CDH13: variants seen among roughly 807,000 people sequenced by gnomAD.
CDH13 encodes cadherin 13.
Under a neutral mutation model 63.8 loss-of-function variants are expected in CDH13, and 24 were observed. The observed-to-expected ratio is 0.38, with a 90% CI of 0.27 to 0.53. The LOEUF is 0.53. Among genes scored for constraint, CDH13 ranks in the 20% least tolerant of loss-of-function variants. The probability of loss-of-function intolerance (pLI) is 0.85; values close to 1 mark genes in which losing one functional copy is unlikely to be tolerated. For synonymous variants in CDH13, 503 were observed against 355.3 expected (o/e 1.42, Z -4.67); for missense variants, 1,049 against 903.1 (o/e 1.16, Z -2.07).
intron 5 of CDH13, among the ~76,000 whole-genome samples, chr16:83,320,604 C>T (rs1420059105): frequency 6.6e-6 from 1 of 152,168 alleles, no homozygotes; most frequent in Non-Finnish European, 1.5e-5. Flanking sequence ...ACCACTATTT[C>T]TACAAGAACA....
At chr16:83,508,722 T>A (rs919087668) in intron 7 of CDH13, among the ~76,000 whole-genome samples, 3 of 152,204 alleles carry the variant, frequency 2.0e-5, no homozygotes, top group Admixed American at 2.0e-4. Flanking sequence ...CTTTTACATA[T>A]TCTGTCTCAC....
intron 4 of CDH13, among the ~76,000 whole-genome samples, chr16:83,200,982 C>A (rs1050926287): frequency 4.3e-5 from 6 of 138,662 alleles, no homozygotes; most frequent in African/African-American, 1.3e-4. Context: ...TTATTGGGAT[C>A]TTTTAACTAG....
chr16:82,845,772 A>C (rs1431262898), intron 1 of CDH13, among the ~76,000 whole-genome samples: 1 of 152,184 alleles, frequency 6.6e-6, no homozygotes, highest in Non-Finnish European at 1.5e-5. Flanking sequence ...AATTACAAAA[A>C]ATTCATAAAT....
intron 1 of CDH13, 42 bp from the exon 2 acceptor site, chr16:82,858,320 C>A: frequency 7.4e-7 from 1 of 1,355,548 alleles, no homozygotes; most frequent in Non-Finnish European, 1.1e-6. Context: ...AGGGCAAACA[C>A]ATAAGCCGCT....
At chr16:83,105,210 C>T (rs1399526626) in intron 3 of CDH13, among the ~76,000 whole-genome samples, 4 of 152,150 alleles carry the variant, frequency 2.6e-5, no homozygotes, top group Non-Finnish European at 5.9e-5. Flanking sequence ...CCCAGGATCA[C>T]CGTAAGATTC....
At chr16:83,350,085 G>A (rs1262062965) in intron 6 of CDH13, among the ~76,000 whole-genome samples, 1 of 152,316 alleles carries the variant, frequency 6.6e-6, no homozygotes, top group East Asian at 1.9e-4. Flanking sequence ...CCCAAGGATG[G>A]GGGGCTTTAA....
chr16:83,082,548 G>A (rs932358478), intron 3 of CDH13, among the ~76,000 whole-genome samples: 1 of 152,144 alleles, frequency 6.6e-6, no homozygotes, highest in Admixed American at 6.5e-5. Flanking sequence ...CAGGAGAATA[G>A]GAGGATTGAC....
chr16:82,632,520 C>T (rs144981388), intron 1 of CDH13, among the ~76,000 whole-genome samples: 91 of 152,238 alleles, frequency 6.0e-4, no homozygotes, highest in African/African-American at 2.0e-3. Context: ...CACGCTGCAG[C>T]TCTGAGTCAG....
At chr16:83,610,625 G>A (rs189146858) in intron 8 of CDH13, among the ~76,000 whole-genome samples, 66 of 152,178 alleles carry the variant, frequency 4.3e-4, no homozygotes, top group African/African-American at 1.5e-3. Flanking sequence ...ACTAACTTTT[G>A]TGAGACTTAT....
At chr16:82,853,542 C>G (rs1470414276) in intron 1 of CDH13, among the ~76,000 whole-genome samples, 1 of 152,170 alleles carries the variant, frequency 6.6e-6, no homozygotes, top group Non-Finnish European at 1.5e-5. Flanking sequence ...GCTTAGAAAA[C>G]TGAGACACAG....
At chr16:83,019,821 A>C (rs1197304696) in intron 2 of CDH13, among the ~76,000 whole-genome samples, 1 of 147,248 alleles carries the variant, frequency 6.8e-6, no homozygotes, top group Non-Finnish European at 1.5e-5. Context: ...AATGGGTAGA[A>C]GGAGGAGTAC....
rs771595136 is a variant in CDH13, at chr16:83,217,462, C to T, written c.601C>T (p.Arg201Trp). The T allele has an allele frequency of 2.5e-5, 41 of 1,613,706 alleles. No homozygotes were observed. Among genetic ancestry groups the T allele is most frequent in the Non-Finnish European group, 3.1e-5 (37 of 1,179,792 alleles). Residue 201 changes from arginine to tryptophan, a missense_variant, in exon 5 of 14, where the codon CGG becomes TGG. Transcript: ENST00000567109. ...NENTGSVSVT[R>W]TLDREVIAVY... ...GAACACAGGGAGCGTCTCCGTGACA[C>T]GGACCTTGGACAGAGAAGTAATCGC...
At chr16:83,092,288 C>T (rs900988459) in intron 3 of CDH13, among the ~76,000 whole-genome samples, 7 of 152,208 alleles carry the variant, frequency 4.6e-5, no homozygotes, top group Non-Finnish European at 8.8e-5. Context: ...GCCTTAAATG[C>T]CTCCCACTGT....
intron 2 of CDH13, among the ~76,000 whole-genome samples, chr16:83,023,290 T>A (rs1915509093): frequency 6.7e-6 from 1 of 149,164 alleles, no homozygotes; most frequent in Non-Finnish European, 1.5e-5. Context: ...CCAGGTGGGG[T>A]GTTTTCACTA....
At chr16:82,890,516 G>C (rs2041042851) in intron 2 of CDH13, among the ~76,000 whole-genome samples, 1 of 152,184 alleles carries the variant, frequency 6.6e-6, no homozygotes, top group South Asian at 2.1e-4. Flanking sequence ...GTCATCAACA[G>C]ATGAAATTAT....
At chr16:83,450,148 G>A (rs1170294911) in intron 6 of CDH13, among the ~76,000 whole-genome samples, 3 of 152,172 alleles carry the variant, frequency 2.0e-5, no homozygotes, top group African/African-American at 7.2e-5. Flanking sequence ...TTGATTCTTT[G>A]CCAGACGGTG....
intron 1 of CDH13, among the ~76,000 whole-genome samples, chr16:82,842,100 A>ATG (rs1294037616): frequency 3.0e-5 from 1 of 33,422 alleles, no homozygotes; most frequent in African/African-American, 1.1e-4. Context: ...ACATATATAT[A>ATG]TATATATATA....
Position 83,032,238 on chromosome 16 carries a change from T to G in CDH13, c.366+20T>G. On this transcript the variant is annotated intron_variant, in intron 3 of 13. Transcript: ENST00000567109. ...TTGCAGGTAACACATCTGTTTGAGA[T>G]AACTTGGGTTCAAGGAGGACATTAG... 6.2e-7 allele frequency: 1 copy of G among 1,601,194 alleles called. No individual in the cohort carries two copies. The highest frequency in any genetic ancestry group is 8.6e-7 in the Non-Finnish European group (1 of 1,169,298).
chr16:82,846,087 A>C (rs2039244247), intron 1 of CDH13, among the ~76,000 whole-genome samples: 1 of 152,182 alleles, frequency 6.6e-6, no homozygotes, highest in Admixed American at 6.5e-5. Flanking sequence ...CTGGAAAACA[A>C]CCCAGAGTTT....
Sources: gnomAD v4.1 joint callset for allele counts (sites outside exome capture counted in the v4.1 genomes callset) on GRCh38, gnomAD v4.1.1 for gene constraint, MANE v1.5 for transcripts, NCBI Gene and HGNC (gene_info 2026-07-23, HGNC 2026-07-21) for gene names.